The following ALG9 variants were observed in gnomAD, a reference collection of about 807,000 sequenced individuals.
ALG9 encodes the protein alpha-1,2-mannosyltransferase ALG9.
Under a neutral mutation model 81.8 loss-of-function variants are expected in ALG9, and 55 were observed. The observed-to-expected ratio is 0.67, with a 90% CI of 0.54 to 0.84. The LOEUF is 0.84. Ranked by LOEUF, ALG9 falls within the 40% of genes least tolerant of loss-of-function variation. The pLI is 0.00. For missense variants in ALG9, 629 were observed against 745.0 expected (o/e 0.84, Z 1.81); for synonymous variants, 278 against 274.3 (o/e 1.01, Z -0.13).
chr11:111,844,855 C>T lies in ALG9; in HGVS notation c.896-132G>A, dbSNP rs1198015329. On this transcript the variant is annotated intron_variant, in intron 8 of 14. Transcript: ENST00000616540. ...CTCATGGGAATGAGAGTGCACAGCCCACTCTTCCCATGCTAAGCTACACAA... is the reference window on the plus strand; with the variant it reads ...CTCATGGGAATGAGAGTGCACAGCCTACTCTTCCCATGCTAAGCTACACAA... 5 of 948,154 alleles carry T rather than the reference C, an allele frequency of 5.3e-6. No homozygotes were observed. In the Admixed American group the frequency reaches 7.1e-5, roughly 13 times the overall value. 58.7% of individuals were successfully genotyped at this position (948,154 alleles called of 1,614,324 possible). A position where few individuals can be genotyped will look rare whatever the true frequency, so the allele number is the denominator to read the frequency against.
chr11:111,854,873 A>C (rs919095182), intron 6 of ALG9, among the ~76,000 whole-genome samples: 5 of 152,258 alleles, frequency 3.3e-5, no homozygotes, highest in Non-Finnish European at 5.9e-5. Context: ...ATCTAGCACA[A>C]AGCATTCAAT....
intron 14 of ALG9, among the ~76,000 whole-genome samples, chr11:111,793,343 G>C (rs1359920827): frequency 6.6e-6 from 1 of 152,116 alleles, no homozygotes. Flanking sequence ...TAACATTCCA[G>C]CTGCTGTTCT....
chr11:111,848,079 C>T (rs568336469), intron 8 of ALG9, among the ~76,000 whole-genome samples: 1 of 152,234 alleles, frequency 6.6e-6, no homozygotes, highest in African/African-American at 2.4e-5. Flanking sequence ...AGACTCTTAT[C>T]CCACTTTTGC....
chr11:111,859,350 A>G, intron 5 of ALG9, among the ~76,000 whole-genome samples: 1 of 152,022 alleles, frequency 6.6e-6, no homozygotes, highest in East Asian at 1.9e-4. Context: ...AAAAATAAAA[A>G]AATTAGCTGG....
chr11:111,811,069 T>C (rs1950633526), intron 13 of ALG9, among the ~76,000 whole-genome samples: 1 of 152,196 alleles, frequency 6.6e-6, no homozygotes, highest in African/African-American at 2.4e-5. Context: ...ACTCTACAAA[T>C]ACATTTTGGA....
At chr11:111,801,173 A>G (rs528937374) in intron 14 of ALG9, among the ~76,000 whole-genome samples, 1 of 152,332 alleles carries the variant, frequency 6.6e-6, no homozygotes, top group African/African-American at 2.4e-5. Context: ...TGACAGAGGA[A>G]CTTTAATTGC....
At chr11:111,796,322 A>C (rs1555075307) in intron 14 of ALG9, among the ~76,000 whole-genome samples, 5 of 152,204 alleles carry the variant, frequency 3.3e-5, no homozygotes, top group Non-Finnish European at 7.3e-5. Flanking sequence ...GGAACTTGGA[A>C]CAAAGACCTC....
chr11:111,769,607 AC>A, the ALG9 span, among the ~76,000 whole-genome samples: 1 of 143,040 alleles, frequency 7.0e-6, no homozygotes, highest in Non-Finnish European at 1.5e-5. Flanking sequence ...ACAGAGTGAG[AC>A]CCTGTCTCAA....
At chr11:111,811,121 C>A (rs2136437582) in intron 13 of ALG9, among the ~76,000 whole-genome samples, 1 of 152,240 alleles carries the variant, frequency 6.6e-6, no homozygotes, top group Admixed American at 6.5e-5. Context: ...TACAGGATGT[C>A]AATCAATGTC....
chr11:111,858,360 A>C (rs1959044491), intron 5 of ALG9, among the ~76,000 whole-genome samples: 2 of 152,308 alleles, frequency 1.3e-5, no homozygotes, highest in African/African-American at 4.8e-5. Flanking sequence ...CCCCATGATT[A>C]TATTTCCAGG....
At chr11:111,830,371 T>C (rs114319632) in intron 13 of ALG9, among the ~76,000 whole-genome samples, 4,951 of 152,316 alleles carry the variant, frequency 0.033, 257 homozygotes, top group African/African-American at 0.11. Flanking sequence ...CATATAGCCT[T>C]GCTAAATACA....
intron 2 of ALG9, among the ~76,000 whole-genome samples, chr11:111,868,983 A>G (rs1555155970): frequency 6.6e-6 from 1 of 151,896 alleles, no homozygotes; most frequent in African/African-American, 2.4e-5. Flanking sequence ...GTAGCATGGT[A>G]TGGTGGTGCA....
chr11:111,794,307 A>G (rs1555073300), intron 14 of ALG9, among the ~76,000 whole-genome samples: 1 of 152,208 alleles, frequency 6.6e-6, no homozygotes, highest in East Asian at 1.9e-4. Flanking sequence ...TTTAAAAGAC[A>G]GGATCTTGCT....
At chr11:111,848,606 A>G (rs1417610120) in intron 8 of ALG9, among the ~76,000 whole-genome samples, 1 of 151,886 alleles carries the variant, frequency 6.6e-6, no homozygotes, top group Non-Finnish European at 1.5e-5. Flanking sequence ...AAAAAAAAAA[A>G]AAGAAAACCA....
intron 13 of ALG9, among the ~76,000 whole-genome samples, chr11:111,832,658 A>G (rs1265274536): frequency 2.6e-5 from 4 of 152,232 alleles, no homozygotes; most frequent in African/African-American, 9.7e-5. Flanking sequence ...TTTTTACCAC[A>G]TATTAATTTT....
At chr11:111,831,877 T>C (rs1439776484) in intron 13 of ALG9, among the ~76,000 whole-genome samples, 3 of 152,254 alleles carry the variant, frequency 2.0e-5, no homozygotes, top group African/African-American at 7.2e-5. Context: ...GCAAATTTTT[T>C]CCAACAAAGG....
chr11:111,774,948 G>A, the ALG9 span, among the ~76,000 whole-genome samples: 5 of 151,800 alleles, frequency 3.3e-5, no homozygotes, highest in East Asian at 1.9e-4. Context: ...TCACCATGTC[G>A]TTTTTTAAAA....
chr11:111,799,689 C>T (rs1421208473), intron 14 of ALG9, among the ~76,000 whole-genome samples: 4 of 152,096 alleles, frequency 2.6e-5, no homozygotes, highest in African/African-American at 9.7e-5. Context: ...TCTCTTTGCT[C>T]GGGTCACATT....
intron 14 of ALG9, among the ~76,000 whole-genome samples, chr11:111,798,911 C>T (rs559707084): frequency 5.9e-5 from 9 of 152,300 alleles, no homozygotes; most frequent in African/African-American, 1.9e-4. Context: ...AAGAAGTGAA[C>T]GAACATCTGG....
Sources: allele counts gnomAD v4.1 joint callset (sites outside exome capture counted in the v4.1 genomes callset), GRCh38; gene constraint gnomAD v4.1.1; transcripts MANE v1.5; gene names NCBI Gene and HGNC (gene_info 2026-07-23, HGNC 2026-07-21).